VTI1A: variants seen among roughly 807,000 people sequenced by gnomAD.
VTI1A encodes vesicle transport through interaction with t-SNAREs 1A.
A neutral mutation model predicts 34.9 loss-of-function variants in VTI1A; 22 were observed. The observed-to-expected ratio is 0.63, with a 90% CI of 0.45 to 0.90. VTI1A has a LOEUF of 0.90. VTI1A is among the 40% of genes least tolerant of loss of function. VTI1A has a pLI of 0.00. For synonymous variants in VTI1A, 87 were observed against 97.3 expected (o/e 0.89, Z 0.62); for missense variants, 268 against 275.6 (o/e 0.97, Z 0.20).
Position 112,529,191 on chromosome 10 carries a change from T to A in VTI1A, c.342+2027T>A, listed in dbSNP as rs180763509. On this transcript the variant is annotated intron_variant, in intron 4 of 7. Coordinates refer to ENST00000393077, the MANE Select transcript of VTI1A (RefSeq NM_145206.4). ...ATGAGAATATGTACTGTTAGATTATTACTTGTGTGAAGTTTTCCATCTAAA... is the reference window on the plus strand; with the variant it reads ...ATGAGAATATGTACTGTTAGATTATAACTTGTGTGAAGTTTTCCATCTAAA... Among the ~76,000 whole-genome samples the A allele has an allele frequency of 2.0e-3, 304 of 152,264 alleles. 2 individuals are homozygous for A. Among genetic ancestry groups the A allele is most frequent in the African/African-American group, 7.1e-3 (296 of 41,586 alleles).
chr10:112,768,539 C>T (rs913132332), intron 7 of VTI1A, among the ~76,000 whole-genome samples: 5 of 152,054 alleles, frequency 3.3e-5, no homozygotes, highest in African/African-American at 1.2e-4. Flanking sequence ...TTGCATGTTT[C>T]CACCCTCAAC....
chr10:112,674,755 T>C (rs1404027935), intron 7 of VTI1A, among the ~76,000 whole-genome samples: 3 of 152,222 alleles, frequency 2.0e-5, no homozygotes, highest in Non-Finnish European at 4.4e-5. Context: ...TGAAGTTAAG[T>C]AAACTATCCA....
At position 112,805,017 on chromosome 10, in the gene VTI1A, C is replaced by T. The variant is rs532428638; in HGVS notation, c.561-10273C>T. Among the ~76,000 whole-genome samples, 472 of 151,774 alleles carry T rather than the reference C, an allele frequency of 3.1e-3. 3 individuals are homozygous for T. Among genetic ancestry groups the T allele is most frequent in the Non-Finnish European group, 4.6e-3 (310 of 67,880 alleles). ...CTGGGGCTAAAGGTGTGCCCCACCA[C>T]GCCTGGCTATTTTTTTTTTTTACTT... On this transcript the variant is annotated intron_variant, in intron 7 of 7. Transcript: ENST00000393077.
chr10:112,831,583 A>G, the VTI1A span: 1 of 151,970 alleles, frequency 6.6e-6, no homozygotes, highest in Non-Finnish European at 1.5e-5. Context: ...ATGAATTTGT[A>G]CCCGCCGAGC....
intron 7 of VTI1A, among the ~76,000 whole-genome samples, chr10:112,804,988 G>C (rs1223754537): frequency 6.7e-6 from 1 of 148,746 alleles, no homozygotes; most frequent in Non-Finnish European, 1.5e-5. Flanking sequence ...AGCCTCCAGA[G>C]TAGCTGGGGC....
intron 7 of VTI1A, among the ~76,000 whole-genome samples, chr10:112,679,789 C>G (rs2133857173): frequency 6.6e-6 from 1 of 152,004 alleles, no homozygotes; most frequent in African/African-American, 2.4e-5. Flanking sequence ...ACCTGTCAAC[C>G]ATTTAATTCC....
intron 5 of VTI1A, among the ~76,000 whole-genome samples, chr10:112,641,574 C>T (rs1846575485): frequency 6.6e-6 from 1 of 152,086 alleles, no homozygotes; most frequent in Admixed American, 6.6e-5. Context: ...CAGAAACTCC[C>T]AACAGCAGTT....
chr10:112,559,400 G>C (rs1851643594), intron 5 of VTI1A, among the ~76,000 whole-genome samples: 1 of 152,130 alleles, frequency 6.6e-6, no homozygotes, highest in Non-Finnish European at 1.5e-5. Flanking sequence ...GGCTGTCAAA[G>C]TATAATTCTG....
intron 7 of VTI1A, among the ~76,000 whole-genome samples, chr10:112,674,207 G>A (rs140370293): frequency 5.9e-5 from 9 of 151,792 alleles, no homozygotes; most frequent in South Asian, 2.1e-4. Flanking sequence ...TGATAAACTC[G>A]GGCCCTGACC....
At chr10:112,462,330 G>A (rs1397457750) in intron 2 of VTI1A, among the ~76,000 whole-genome samples, 1 of 152,182 alleles carries the variant, frequency 6.6e-6, no homozygotes, top group Admixed American at 6.5e-5. Context: ...TGGAACAAGT[G>A]CACATTAGCC....
At chr10:112,675,324 C>T (rs1847985457) in intron 7 of VTI1A, among the ~76,000 whole-genome samples, 3 of 152,172 alleles carry the variant, frequency 2.0e-5, no homozygotes, top group Non-Finnish European at 4.4e-5. Context: ...TCAGGGTCTA[C>T]ATAAGTCATC....
At chr10:112,621,039 G>A (rs1049901557) in intron 5 of VTI1A, among the ~76,000 whole-genome samples, 5 of 152,170 alleles carry the variant, frequency 3.3e-5, no homozygotes, top group Non-Finnish European at 5.9e-5. Flanking sequence ...CCATCCATAT[G>A]AAATCTGTTG....
At chr10:112,544,894 G>A (rs758857776) in intron 5 of VTI1A, among the ~76,000 whole-genome samples, 12 of 152,184 alleles carry the variant, frequency 7.9e-5, no homozygotes, top group Non-Finnish European at 1.6e-4. Context: ...AGTCAAGTGG[G>A]GCAAGTTGTG....
At chr10:112,501,421 C>T (rs1849228855) in intron 3 of VTI1A, among the ~76,000 whole-genome samples, 1 of 151,876 alleles carries the variant, frequency 6.6e-6, no homozygotes, top group Admixed American at 6.6e-5. Flanking sequence ...TCTTTCTGTT[C>T]TCTCTTAAGG....
chr10:112,684,437 C>CT (rs35671432), intron 7 of VTI1A, among the ~76,000 whole-genome samples: 55,775 of 123,396 alleles, frequency 0.45, 14,051 homozygotes, highest in African/African-American at 0.61. Context: ...ATGCTCATCT[C>CT]TTTTTTTTTT....
chr10:112,715,836 G>A (rs1364833356), intron 7 of VTI1A, among the ~76,000 whole-genome samples: 9 of 152,190 alleles, frequency 5.9e-5, no homozygotes. Context: ...ATCACCTGTT[G>A]AACATATCTA....
chr10:112,796,513 G>A (rs1300051871), intron 7 of VTI1A, among the ~76,000 whole-genome samples: 13 of 151,986 alleles, frequency 8.6e-5, no homozygotes, highest in Non-Finnish European at 1.6e-4. Context: ...CACTGATCTC[G>A]TGGTCTAAGA....
chr10:112,523,016 A>C (rs1351417996), intron 3 of VTI1A, among the ~76,000 whole-genome samples: 1 of 152,062 alleles, frequency 6.6e-6, no homozygotes, highest in Non-Finnish European at 1.5e-5. Flanking sequence ...TAGAATCCTC[A>C]TTCTGGTTAC....
At chr10:112,653,385 GTGTT>G (rs1847108932) in intron 5 of VTI1A, among the ~76,000 whole-genome samples, 2 of 152,186 alleles carry the variant, frequency 1.3e-5, no homozygotes. Context: ...TCTTTGGTGT[GTGTT>G]TGTGCGAAGT....
Sources: allele counts gnomAD v4.1 joint callset (sites outside exome capture counted in the v4.1 genomes callset), GRCh38; gene constraint gnomAD v4.1.1; transcripts MANE v1.5; gene names NCBI Gene and HGNC (gene_info 2026-07-23, HGNC 2026-07-21).